The following TMEM260 variants were observed in gnomAD, a reference collection of about 807,000 sequenced individuals.
TMEM260 encodes the protein transmembrane protein 260.
A neutral mutation model predicts 88.9 loss-of-function variants in TMEM260; 82 were observed. That is an observed-to-expected ratio of 0.92 (90% CI 0.77 to 1.11). The LOEUF (loss-of-function observed/expected upper bound fraction) is 1.11. TMEM260 is among the 50% of genes least tolerant of loss of function. The pLI is 0.00. For missense variants in TMEM260, 902 were observed against 853.4 expected (o/e 1.06, Z -0.71); for synonymous variants, 314 against 309.3 (o/e 1.02, Z -0.16).
chr14:56,635,260 A>G (rs1009939720), intron 14 of TMEM260, among the ~76,000 whole-genome samples: 1 of 152,224 alleles, frequency 6.6e-6, no homozygotes, highest in African/African-American at 2.4e-5. Flanking sequence ...TGCCTCTGGA[A>G]CACTCATCTA....
chr14:56,632,879 CATATAGGTAATA>C lies in TMEM260; in HGVS notation c.1548-114_1548-103del. 5 of 965,056 alleles carry C rather than the reference CATATAGGTAATA, an allele frequency of 5.2e-6. No individual in the cohort carries two copies. In the South Asian group the frequency reaches 8.6e-5, roughly 17 times the overall value. The allele number at this position is 965,056 out of a possible 1,614,324, so 59.8% of individuals were successfully genotyped here. On this transcript the variant is annotated intron_variant, in intron 12 of 15. Coordinates refer to ENST00000261556, the MANE Select transcript of TMEM260 (RefSeq NM_017799.4). Reference sequence around the variant, plus strand: ...GGTAGTTAAGTAATTTTTCCAAAATCATATAGGTAATAACTGTTGGGAAAAAATCTAAAAATG... The same window carrying C: ...GGTAGTTAAGTAATTTTTCCAAAATCACTGTTGGGAAAAAATCTAAAAATG...
intron 5 of TMEM260, among the ~76,000 whole-genome samples, chr14:56,606,029 A>G (rs555747846): frequency 1.1e-4 from 17 of 152,256 alleles, no homozygotes; most frequent in Non-Finnish European, 1.8e-4. Flanking sequence ...CATTTATTTA[A>G]CTGTGTGCCG....
chr14:56,652,864 G>T (rs1890230358), downstream of TMEM260, among the ~76,000 whole-genome samples: 1 of 152,168 alleles, frequency 6.6e-6, no homozygotes, highest in Non-Finnish European at 1.5e-5. Context: ...ATTAACCTAT[G>T]CAGTCGCCTG....
chr14:56,642,724 G>A (rs1889689491), intron 15 of TMEM260, among the ~76,000 whole-genome samples: 1 of 152,148 alleles, frequency 6.6e-6, no homozygotes, highest in Non-Finnish European at 1.5e-5. Flanking sequence ...TCCAGGAGCT[G>A]GTTTTTTGAA....
At chr14:56,635,611 T>TAATC (rs1888988952) in intron 14 of TMEM260, among the ~76,000 whole-genome samples, 1 of 152,190 alleles carries the variant, frequency 6.6e-6, no homozygotes, top group African/African-American at 2.4e-5. Flanking sequence ...TTTTGTTTTT[T>TAATC]AATCAAAATA....
chr14:56,588,446 C>G (rs1885647484), intron 3 of TMEM260, among the ~76,000 whole-genome samples: 1 of 151,976 alleles, frequency 6.6e-6, no homozygotes. Flanking sequence ...GTAAACATGA[C>G]TTAGATTGAA....
At chr14:56,624,956 G>A (rs1380990748) in intron 11 of TMEM260, among the ~76,000 whole-genome samples, 1 of 152,208 alleles carries the variant, frequency 6.6e-6, no homozygotes, top group Non-Finnish European at 1.5e-5. Flanking sequence ...TTCTCTTAAG[G>A]AGCATGCAGC....
downstream of TMEM260, among the ~76,000 whole-genome samples, chr14:56,653,477 T>C (rs1890241920): frequency 6.6e-6 from 1 of 151,940 alleles, no homozygotes; most frequent in Admixed American, 6.6e-5. Context: ...CTCACACCCA[T>C]AATTCCAGCC....
At chr14:56,605,168 C>G (rs1886817255) in intron 4 of TMEM260, among the ~76,000 whole-genome samples, 1 of 152,122 alleles carries the variant, frequency 6.6e-6, no homozygotes, top group Non-Finnish European at 1.5e-5. Context: ...AACCAACACC[C>G]AGAGATAACC....
At chr14:56,610,083 C>T (rs559305301) in intron 6 of TMEM260, among the ~76,000 whole-genome samples, 1 of 151,904 alleles carries the variant, frequency 6.6e-6, no homozygotes, top group East Asian at 1.9e-4. Flanking sequence ...AGTAGTAGAA[C>T]TATATATTTA....
intron 3 of TMEM260, among the ~76,000 whole-genome samples, chr14:56,596,127 G>T (rs1456737491): frequency 2.0e-5 from 3 of 151,732 alleles, no homozygotes; most frequent in African/African-American, 7.3e-5. Context: ...TTTACCCCAA[G>T]ACCAAAACAT....
At chr14:56,635,895 GA>G (rs1324365151) in intron 14 of TMEM260, among the ~76,000 whole-genome samples, 1 of 152,048 alleles carries the variant, frequency 6.6e-6, no homozygotes, top group Non-Finnish European at 1.5e-5. Flanking sequence ...GAATAAGTCA[GA>G]AAATAGCATA....
chr14:56,627,315 C>G (rs1483828380), intron 12 of TMEM260, among the ~76,000 whole-genome samples: 2 of 152,048 alleles, frequency 1.3e-5, no homozygotes, highest in African/African-American at 4.8e-5. Context: ...CCTATTCACT[C>G]AGAAACAACA....
chr14:56,653,981 A>AT (rs1890256376), downstream of TMEM260, among the ~76,000 whole-genome samples: 1 of 152,070 alleles, frequency 6.6e-6, no homozygotes, highest in Non-Finnish European at 1.5e-5. Flanking sequence ...TTCCACCATC[A>AT]CCTCTGGCAC....
At chr14:56,643,145 C>T (rs1306756840) in intron 15 of TMEM260, among the ~76,000 whole-genome samples, 2 of 152,190 alleles carry the variant, frequency 1.3e-5, no homozygotes, top group Admixed American at 6.5e-5. Flanking sequence ...AAGAGGGAAT[C>T]CTCCCTAACT....
chr14:56,642,610 A>G (rs1392946342), intron 15 of TMEM260, among the ~76,000 whole-genome samples: 2 of 152,342 alleles, frequency 1.3e-5, no homozygotes, highest in Middle Eastern at 3.4e-3. Context: ...TAGAGAAGCA[A>G]GAGCAAACAC....
chr14:56,585,882 C>T lies in TMEM260; in HGVS notation c.314C>T (p.Ala105Val), dbSNP rs1330944464. The T allele has an allele frequency of 6.2e-7, 1 of 1,612,920 alleles. No homozygotes were observed. Among genetic ancestry groups the T allele is most frequent in the Admixed American group, 1.7e-5 (1 of 59,824 alleles). Residue 105 changes from alanine (A) to valine (V), a missense_variant, in exon 3 of 16, where the codon GCT becomes GTT. By Grantham distance (64) the Ala-to-Val change is moderately conservative. Transcript: ENST00000261556. ...CTCTGTGGCTTATTTGGAGCAGTAGCTGCATCATTACTTTTTTTCACCGTT... is the reference window on the plus strand; with the variant it reads ...CTCTGTGGCTTATTTGGAGCAGTAGTTGCATCATTACTTTTTTTCACCGTT... ...NLLCGLFGAV[A>V]ASLLFFTVFR... is the part of the protein sequence containing the mutation.
At chr14:56,583,195 A>C (rs1182063878) in intron 1 of TMEM260, among the ~76,000 whole-genome samples, 2 of 152,222 alleles carry the variant, frequency 1.3e-5, no homozygotes, top group Non-Finnish European at 2.9e-5. Context: ...GGAGTAAACT[A>C]TAAAATCATA....
intron 12 of TMEM260, among the ~76,000 whole-genome samples, chr14:56,632,664 G>A (rs1594878626): frequency 6.6e-6 from 1 of 152,040 alleles, no homozygotes; most frequent in East Asian, 1.9e-4. Context: ...TGCCCAGGCT[G>A]GTCTCAAACC....
Sources: gnomAD v4.1 joint callset for allele counts (sites outside exome capture counted in the v4.1 genomes callset) on GRCh38, gnomAD v4.1.1 for gene constraint, MANE v1.5 for transcripts, NCBI Gene and HGNC (gene_info 2026-07-23, HGNC 2026-07-21) for gene names.